BCL11A: variants seen among roughly 807,000 people sequenced by gnomAD.
BCL11A encodes BCL11 transcription factor A.
BCL11A carries 2 observed loss-of-function variants against 55.9 expected under a neutral mutation model. That is an observed-to-expected ratio of 0.04 (90% CI 0.01 to 0.11). The LOEUF is 0.11. Ranked by LOEUF, BCL11A falls within the 10% of genes least tolerant of loss-of-function variation. The probability of loss-of-function intolerance (pLI) is 1.00; values close to 1 mark genes in which losing one functional copy is unlikely to be tolerated. For synonymous variants in BCL11A, 465 were observed against 473.4 expected (o/e 0.98, Z 0.23); for missense variants, 817 against 1,137.1 (o/e 0.72, Z 4.05).
chr2:60,482,550 A>T (rs142088554), intron 2 of BCL11A, among the ~76,000 whole-genome samples: 1 of 152,326 alleles, frequency 6.6e-6, no homozygotes, highest in Non-Finnish European at 1.5e-5. Flanking sequence ...TTATTTATAG[A>T]TTTGCAGATG....
chr2:60,517,366 G>A (rs1668780403), intron 2 of BCL11A, among the ~76,000 whole-genome samples: 1 of 152,238 alleles, frequency 6.6e-6, no homozygotes, highest in Non-Finnish European at 1.5e-5. Flanking sequence ...AAGGTGGTAG[G>A]AAGACCAGCC....
intron 1 of BCL11A, among the ~76,000 whole-genome samples, chr2:60,547,528 T>A (rs1670211729): frequency 2.0e-5 from 3 of 147,386 alleles, no homozygotes; most frequent in Non-Finnish European, 1.5e-5. Flanking sequence ...AAAAAAAAAA[T>A]CACAAAATAC....
chr2:60,544,580 G>T (rs1670067769), intron 2 of BCL11A: 1 of 152,194 alleles, frequency 6.6e-6, no homozygotes, highest in African/African-American at 2.4e-5. Flanking sequence ...TGGTTTTAAT[G>T]ATCAAATTCT....
At chr2:60,490,260 C>T (rs1255894120) in intron 2 of BCL11A, among the ~76,000 whole-genome samples, 1 of 152,172 alleles carries the variant, frequency 6.6e-6, no homozygotes, top group Non-Finnish European at 1.5e-5. Context: ...CATCCACCCC[C>T]TTTGCAGAGT....
chr2:60,535,840 CCCA>C, intron 2 of BCL11A: 1 of 152,352 alleles, frequency 6.6e-6, no homozygotes, highest in Non-Finnish European at 1.5e-5. Context: ...GTGGTGTCCA[CCCA>C]CCACCACCAT....
intron 2 of BCL11A, chr2:60,525,395 C>G (rs1669159392): frequency 6.6e-6 from 1 of 152,214 alleles, no homozygotes; most frequent in Non-Finnish European, 1.5e-5. Flanking sequence ...TTATACTGCA[C>G]TTCAATTTTG....
intron 2 of BCL11A, among the ~76,000 whole-genome samples, chr2:60,540,714 C>G (rs1669881169): frequency 6.6e-6 from 1 of 152,164 alleles, no homozygotes; most frequent in South Asian, 2.1e-4. Flanking sequence ...CTAAAAGATG[C>G]CATTAATAAG....
intron 2 of BCL11A, among the ~76,000 whole-genome samples, chr2:60,539,881 C>G (rs1342900715): frequency 7.9e-5 from 12 of 152,112 alleles, no homozygotes; most frequent in Non-Finnish European, 1.5e-5. Context: ...GGCCAGTGCT[C>G]TATACCCTGG....
At chr2:60,501,466 C>T (rs377021924) in intron 2 of BCL11A, among the ~76,000 whole-genome samples, 1 of 150,584 alleles carries the variant, frequency 6.6e-6, no homozygotes, top group African/African-American at 2.4e-5. Context: ...CCCTGAGTGG[C>T]AAGAGGGAAA....
rs1670156712 is a variant in BCL11A at position 60,546,337 on chromosome 2, G to C, written c.56-37C>G. On this transcript the variant is annotated intron_variant, in intron 1 of 3. Coordinates refer to ENST00000642384, the MANE Select transcript of BCL11A (RefSeq NM_022893.4). The surrounding 1 kb of genome is among the most constrained non-coding windows in gnomAD (Gnocchi z 4.1). ...GAAACAAAAGCACAATTATTAGAGT[G>C]CCAGAGAGGACAGAAAGGGGAGAAG... 6.4e-7 allele frequency: 1 copy of C among 1,573,052 alleles called. No individual in the cohort carries two copies. The highest frequency in any genetic ancestry group is 1.7e-5 in the Admixed American group (1 of 58,144).
intron 2 of BCL11A, chr2:60,541,892 A>T: frequency 1.4e-6 from 1 of 708,206 alleles, no homozygotes; most frequent in Non-Finnish European, 2.6e-6. Context: ...TTACACCATA[A>T]GGTACACAAA....
chr2:60,516,228 T>C (rs1668722997), intron 2 of BCL11A, among the ~76,000 whole-genome samples: 1 of 152,212 alleles, frequency 6.6e-6, no homozygotes, highest in Admixed American at 6.5e-5. Flanking sequence ...AAAGATGTGC[T>C]TATTATGTGC....
intron 2 of BCL11A, among the ~76,000 whole-genome samples, chr2:60,493,034 C>A (rs1678735432): frequency 6.6e-6 from 1 of 152,140 alleles, no homozygotes; most frequent in Non-Finnish European, 1.5e-5. Flanking sequence ...CCCCCACCTA[C>A]CACCACAGTG....
rs150260791 is a variant in BCL11A at position 60,470,689 on chromosome 2, T to C, written c.386-1856A>G. ...CATGAATCTCTTGTTGGCAAACTTG[T>C]CTACAAACCCATTAGCCCTAAACAA... On this transcript the variant is annotated intron_variant, in intron 2 of 3. Coordinates refer to ENST00000642384, the MANE Select transcript of BCL11A (RefSeq NM_022893.4). 2.6e-5 allele frequency among the ~76,000 whole-genome samples: 4 copies of C among 152,314 alleles called. No individual in the cohort carries two copies. The East Asian group carries it at 7.7e-4, about 29-fold the overall frequency.
In BCL11A at chr2:60,553,369, C is replaced by T. The variant is rs1389035035; in HGVS notation, c.-99G>A. The T allele has an allele frequency of 7.9e-7, 1 of 1,268,520 alleles. No homozygotes were observed. Among genetic ancestry groups the T allele is most frequent in the Non-Finnish European group, 1.1e-6 (1 of 914,744 alleles). The allele number at this position is 1,268,520 out of a possible 1,614,324, so 78.6% of individuals were successfully genotyped here. On this transcript the variant is annotated 5_prime_UTR_variant, in exon 1 of 4. Transcript: ENST00000642384. ...GAGCCGGGTTAGAAAGAAGGAGACTCCAGAGAAAATATCTTCATCAGTGCC... is the reference window on the plus strand; with the variant it reads ...GAGCCGGGTTAGAAAGAAGGAGACTTCAGAGAAAATATCTTCATCAGTGCC...
At chr2:60,508,324 G>A (rs1234588100) in intron 2 of BCL11A, among the ~76,000 whole-genome samples, 2 of 152,182 alleles carry the variant, frequency 1.3e-5, no homozygotes, top group Non-Finnish European at 1.5e-5. Flanking sequence ...AGACAGAGAA[G>A]CTTCCTGGGT....
rs1410355858 is a variant in BCL11A at position 60,478,695 on chromosome 2, T to G, written c.386-9862A>C. Among the ~76,000 whole-genome samples, 3 of 152,244 alleles carry G rather than the reference T, an allele frequency of 2.0e-5. No homozygotes were observed. The East Asian group carries it at 5.8e-4, about 29-fold the overall frequency. Reference sequence around the variant, plus strand: ...GGTCTAGCAGGTCAGGCTCTAACATTTCTTCAGGAATAAAACTAGGCTGCC... The same window carrying G: ...GGTCTAGCAGGTCAGGCTCTAACATGTCTTCAGGAATAAAACTAGGCTGCC... On this transcript the variant is annotated intron_variant, in intron 2 of 3. Transcript: ENST00000642384.
intron 2 of BCL11A, among the ~76,000 whole-genome samples, chr2:60,482,154 A>G (rs1677997418): frequency 6.6e-6 from 1 of 152,038 alleles, no homozygotes; most frequent in African/African-American, 2.4e-5. Flanking sequence ...TGCATCTCTC[A>G]TGATTCTATC....
chr2:60,499,040 C>A (rs957754902), intron 2 of BCL11A, among the ~76,000 whole-genome samples: 1 of 152,164 alleles, frequency 6.6e-6, no homozygotes, highest in Non-Finnish European at 1.5e-5. Context: ...ACACAGGCAT[C>A]CAAAGGGAAG....
Sources: gnomAD v4.1 joint callset for allele counts (sites outside exome capture counted in the v4.1 genomes callset) on GRCh38, gnomAD v4.1.1 for gene constraint, Gnocchi (gnomAD v3.1) non-coding constraint, MANE v1.5 for transcripts, NCBI Gene and HGNC (gene_info 2026-07-23, HGNC 2026-07-21) for gene names.